The following SGCZ variants were observed in gnomAD, a reference collection of about 807,000 sequenced individuals.
SGCZ encodes the protein sarcoglycan zeta.
Under a neutral mutation model 41.3 loss-of-function variants are expected in SGCZ, and 40 were observed. The observed-to-expected ratio is 0.97, with a 90% confidence interval of 0.75 to 1.26. The LOEUF (loss-of-function observed/expected upper bound fraction) is 1.26. Among genes scored for constraint, SGCZ ranks in the 50% most tolerant of loss-of-function variants. The pLI, the probability that SGCZ is intolerant of heterozygous loss-of-function variation, is 0.00. For synonymous variants in SGCZ, 206 were observed against 137.5 expected (o/e 1.50, Z -3.49); for missense variants, 552 against 369.8 (o/e 1.49, Z -4.04).
At chr8:14,155,438 A>G (rs1047861620) in intron 5 of SGCZ, among the ~76,000 whole-genome samples, 9 of 152,096 alleles carry the variant, frequency 5.9e-5, no homozygotes, top group Non-Finnish European at 1.0e-4. Flanking sequence ...CCTCTATTAA[A>G]ATTAATGTTT....
In SGCZ at chr8:14,090,526, A is replaced by G. The variant is rs878979874; in HGVS notation, c.856T>C (p.Cys286Arg). The G allele has an allele frequency of 2.5e-5, 41 of 1,613,032 alleles. No individual in the cohort carries two copies. Among genetic ancestry groups the G allele is most frequent in the Non-Finnish European group, 3.4e-5 (40 of 1,179,430 alleles). The change falls in exon 8 of 8, where the codon TGC becomes CGC. Residue 286 changes from cysteine (C) to arginine (R), a missense_variant. Cys to Arg is a radical substitution (Grantham distance 180). Transcript: ENST00000382080. ...GAAAGGTAAAGTTTGCCATTGGGGCAGACGCAGAGTTCATACACTGTCTGT... is the reference window on the plus strand; with the variant it reads ...GAAAGGTAAAGTTTGCCATTGGGGCGGACGCAGAGTTCATACACTGTCTGT... ...SRQTVYELCV[C>R]PNGKLYLSPA...
intron 1 of SGCZ, among the ~76,000 whole-genome samples, chr8:15,092,143 T>TCGAC (rs953827707): frequency 2.0e-5 from 3 of 152,158 alleles, no homozygotes; most frequent in African/African-American, 7.2e-5. Context: ...AAAACGCTGG[T>TCGAC]CTTACAGTCA....
intron 3 of SGCZ, among the ~76,000 whole-genome samples, chr8:14,261,712 A>G (rs35969875): frequency 0.38 from 58,214 of 151,962 alleles, 12,539 homozygotes; most frequent in Non-Finnish European, 0.5. Context: ...AGAATGATCA[A>G]ACCATTCTCA....
intron 1 of SGCZ, among the ~76,000 whole-genome samples, chr8:15,197,144 T>C (rs1187339634): frequency 6.6e-6 from 1 of 152,226 alleles, no homozygotes; most frequent in East Asian, 1.9e-4. Context: ...TGGGAGGAGC[T>C]ACAAAATATC....
chr8:15,178,709 T>C (rs1297180701), intron 1 of SGCZ, among the ~76,000 whole-genome samples: 2 of 152,190 alleles, frequency 1.3e-5, no homozygotes, highest in African/African-American at 4.8e-5. Flanking sequence ...GAAAAGGCCA[T>C]GGACTTCAGA....
At chr8:15,209,786 A>T (rs1490544621) in intron 1 of SGCZ, among the ~76,000 whole-genome samples, 1 of 152,124 alleles carries the variant, frequency 6.6e-6, no homozygotes. Context: ...TTAATTAAAA[A>T]AACTTTTTTT....
intron 1 of SGCZ, among the ~76,000 whole-genome samples, chr8:14,589,797 A>C (rs563710710): frequency 6.6e-6 from 1 of 152,290 alleles, no homozygotes; most frequent in African/African-American, 2.4e-5. Context: ...ATCTTGAAAT[A>C]TGTTATCCAT....
intron 2 of SGCZ, among the ~76,000 whole-genome samples, 153 bp downstream of exon 2, chr8:14,554,579 T>C (rs568873808): frequency 1.3e-5 from 2 of 152,136 alleles, no homozygotes; most frequent in South Asian, 2.1e-4. Flanking sequence ...CTACTGAATG[T>C]ATTCTTAAAA....
intron 2 of SGCZ, among the ~76,000 whole-genome samples, chr8:14,464,729 CTA>C (rs926984985): frequency 1.3e-5 from 2 of 151,410 alleles, no homozygotes; most frequent in Admixed American, 6.6e-5. Flanking sequence ...ACATTTATAA[CTA>C]TAAATACGCC....
At chr8:14,173,430 T>C (rs1171285854) in intron 4 of SGCZ, among the ~76,000 whole-genome samples, 1 of 149,228 alleles carries the variant, frequency 6.7e-6, no homozygotes, top group Non-Finnish European at 1.5e-5. Flanking sequence ...AGAAGGAAAA[T>C]GAAATGCATA....
At chr8:14,294,301 C>T (rs760884806) in intron 3 of SGCZ, among the ~76,000 whole-genome samples, 13 of 151,480 alleles carry the variant, frequency 8.6e-5, no homozygotes, top group Non-Finnish European at 1.8e-4. Context: ...TCATTCTCAC[C>T]GACACAACAT....
intron 2 of SGCZ, among the ~76,000 whole-genome samples, chr8:14,354,917 T>G (rs936265823): frequency 2.0e-5 from 3 of 151,940 alleles, no homozygotes; most frequent in Non-Finnish European, 4.4e-5. Context: ...GAAGTTGACA[T>G]AACTGAGCTG....
intron 1 of SGCZ, among the ~76,000 whole-genome samples, chr8:14,972,163 C>T (rs1801321057): frequency 1.3e-5 from 2 of 151,892 alleles, no homozygotes; most frequent in Admixed American, 6.6e-5. Flanking sequence ...ACGGAGTTTG[C>T]CTTTCAAATT....
intron 4 of SGCZ, among the ~76,000 whole-genome samples, chr8:14,221,762 C>T (rs1311134077): frequency 1.3e-5 from 2 of 151,998 alleles, no homozygotes; most frequent in African/African-American, 4.8e-5. Flanking sequence ...ATGGTGAAAC[C>T]TCATCTGTAC....
intron 1 of SGCZ, among the ~76,000 whole-genome samples, chr8:14,848,871 C>G (rs1217826916): frequency 6.6e-6 from 1 of 152,068 alleles, no homozygotes; most frequent in Non-Finnish European, 1.5e-5. Flanking sequence ...AACTTTTGCT[C>G]TTTAAATGAC....
intron 1 of SGCZ, among the ~76,000 whole-genome samples, chr8:14,749,929 T>G (rs1799449480): frequency 1.3e-5 from 2 of 152,102 alleles, no homozygotes; most frequent in Non-Finnish European, 2.9e-5. Flanking sequence ...ATAAAAGATA[T>G]ACACTGCATT....
chr8:14,857,030 G>C (rs764143578), intron 1 of SGCZ, among the ~76,000 whole-genome samples: 8 of 152,066 alleles, frequency 5.3e-5, no homozygotes, highest in Non-Finnish European at 1.2e-4. Context: ...GGGATCATGG[G>C]GCAGAATTCT....
At chr8:14,845,025 G>A (rs949042704) in intron 1 of SGCZ, among the ~76,000 whole-genome samples, 2 of 152,176 alleles carry the variant, frequency 1.3e-5, no homozygotes, top group African/African-American at 4.8e-5. Context: ...ATAGACTTCA[G>A]AAGAGACAAG....
At chr8:14,563,432 G>C (rs1367377695) in intron 1 of SGCZ, among the ~76,000 whole-genome samples, 1 of 152,144 alleles carries the variant, frequency 6.6e-6, no homozygotes, top group East Asian at 1.9e-4. Flanking sequence ...AAGTCGTTAA[G>C]GAAATGTACA....
Sources: allele counts gnomAD v4.1 joint callset (sites outside exome capture counted in the v4.1 genomes callset), GRCh38; gene constraint gnomAD v4.1.1; transcripts MANE v1.5; gene names NCBI Gene and HGNC (gene_info 2026-07-23, HGNC 2026-07-21).